Variants in VGLL4 observed in about 807,000 individuals in gnomAD.
The protein encoded by VGLL4 is vestigial like family member 4.
VGLL4 carries 7 observed loss-of-function variants against 21.0 expected under a neutral mutation model. The observed-to-expected ratio is 0.33, with a 90% CI of 0.19 to 0.63. VGLL4 has a LOEUF of 0.63. Among genes scored for constraint, VGLL4 ranks in the 20% least tolerant of loss-of-function variants. VGLL4 has a pLI of 0.78. For missense variants in VGLL4, 394 were observed against 425.7 expected (o/e 0.93, Z 0.66); for synonymous variants, 222 against 173.2 (o/e 1.28, Z -2.21).
intron 2 of VGLL4, among the ~76,000 whole-genome samples, chr3:11,668,183 C>T (rs1402721363): frequency 6.6e-6 from 1 of 151,908 alleles, no homozygotes; most frequent in Non-Finnish European, 1.5e-5. Context: ...CCACAGGAAA[C>T]AACTCATTTC....
intron 2 of VGLL4, among the ~76,000 whole-genome samples, chr3:11,588,102 G>T (rs2074401900): frequency 6.6e-6 from 1 of 152,240 alleles, no homozygotes. Flanking sequence ...GGGCTTAAAA[G>T]TGATTCTTAA....
Position 11,564,909 on chromosome 3 carries a change from G to T in VGLL4, c.383C>A (p.Thr128Asn). 1.2e-6 allele frequency: 2 copies of T among 1,602,568 alleles called. No homozygotes were observed. The highest frequency in any genetic ancestry group is 1.7e-6 in the Non-Finnish European group (2 of 1,175,040). Residue 128 changes from threonine (T) to asparagine (N), a missense_variant, in exon 3 of 5, where the codon ACC (threonine) becomes AAC (asparagine). By Grantham distance (65) the Thr-to-Asn change is moderately conservative. Coordinates refer to ENST00000430365, the MANE Select transcript of VGLL4 (RefSeq NM_001128219.3). ...CTCCAGGCCAAGGCTGGGGAGGGAG[G>T]TGTACAGGTGGCTGCCGTGCAGGCT... The part of the protein sequence containing the change: ...TMSLHGSHLY[T>N]SLPSLGLEQP...
intron 1 of VGLL4, among the ~76,000 whole-genome samples, chr3:11,617,174 G>T (rs1290723294): frequency 6.6e-6 from 1 of 152,116 alleles, no homozygotes; most frequent in Admixed American, 6.5e-5. Context: ...TGAAAAACAG[G>T]CAGGATTTGG....
chr3:11,714,804 G>A (rs1019586954), intron 1 of VGLL4, among the ~76,000 whole-genome samples: 9 of 152,018 alleles, frequency 5.9e-5, no homozygotes, highest in African/African-American at 2.2e-4. Context: ...GTGCTAAAGC[G>A]ACACATATTC....
At chr3:11,573,236 AAAGAAATAG>A (rs1177842740) in intron 2 of VGLL4, among the ~76,000 whole-genome samples, 1 of 110,128 alleles carries the variant, frequency 9.1e-6, no homozygotes, top group African/African-American at 4.9e-5. Context: ...GACAGAAAGA[AAAGAAATAG>A]AGAAAGAAAG....
At chr3:11,597,462 G>A (rs1014240300) in intron 2 of VGLL4, among the ~76,000 whole-genome samples, 1 of 152,108 alleles carries the variant, frequency 6.6e-6, no homozygotes, top group Non-Finnish European at 1.5e-5. Flanking sequence ...ATGGATAAAT[G>A]CAGAAATTGA....
chr3:11,659,732 C>T (rs548606151), intron 2 of VGLL4, among the ~76,000 whole-genome samples: 3 of 152,274 alleles, frequency 2.0e-5, no homozygotes, highest in South Asian at 2.1e-4. Flanking sequence ...TTGAGGAATG[C>T]GGCATTCTAA....
intron 2 of VGLL4, among the ~76,000 whole-genome samples, chr3:11,662,826 T>A (rs956869473): frequency 6.6e-6 from 1 of 152,242 alleles, no homozygotes; most frequent in Non-Finnish European, 1.5e-5. Flanking sequence ...ATTTTGTGAC[T>A]GTGACATGAA....
rs568635223 is a variant in VGLL4 at position 11,579,831 on chromosome 3, C to T, written c.273-14812G>A. ...AAATTACCACCCCCGGTGGTCATCA[C>T]GCATCACATCTGTCGATTATTAGGC... On this transcript the variant is annotated intron_variant, in intron 2 of 4. Transcript: ENST00000430365. Among the ~76,000 whole-genome samples, 3 of 152,184 alleles carry T rather than the reference C, an allele frequency of 2.0e-5. 1 individual carries two copies. The highest frequency in any genetic ancestry group is 4.8e-5 in the African/African-American group (2 of 41,514).
upstream of VGLL4, among the ~76,000 whole-genome samples, chr3:11,644,444 C>T (rs1379628437): frequency 6.6e-6 from 1 of 152,150 alleles, no homozygotes; most frequent in Admixed American, 6.5e-5. Flanking sequence ...GAGGGTATCA[C>T]CCTTTCACAG....
intron 2 of VGLL4, among the ~76,000 whole-genome samples, chr3:11,575,469 T>C (rs576226216): frequency 6.6e-6 from 1 of 152,158 alleles, no homozygotes; most frequent in African/African-American, 2.4e-5. Flanking sequence ...CTCTCTCTCC[T>C]TGAGACTGGA....
At chr3:11,663,986 T>C (rs1456817117) in intron 2 of VGLL4, among the ~76,000 whole-genome samples, 2 of 152,148 alleles carry the variant, frequency 1.3e-5, no homozygotes, top group Non-Finnish European at 2.9e-5. Flanking sequence ...GCGCAGTGGC[T>C]CACAGCTGTA....
rs530244066 is a variant in VGLL4 at position 11,660,117 on chromosome 3, G to A, written c.64+42854C>T. ...GCGGAGCTTGCAGTGAGTGGAGATC[G>A]CGCCACTGCACTCCAGCCTGGGCGA... is the stretch of plus-strand genomic sequence containing the variant. On this transcript the variant is annotated intron_variant, in intron 2 of 5. Coordinates refer to the VGLL4 transcript ENST00000273038. 5.1e-3 allele frequency among the ~76,000 whole-genome samples: 763 copies of A among 150,514 alleles called. 7 individuals are homozygous for A. The highest frequency in any genetic ancestry group is 0.017 in the African/African-American group (716 of 40,922).
chr3:11,611,599 C>T (rs938488824), intron 1 of VGLL4: 3 of 152,206 alleles, frequency 2.0e-5, no homozygotes, highest in Non-Finnish European at 4.4e-5. Context: ...CAAAGATGAA[C>T]AGCTGCAACT....
chr3:11,627,803 A>G (rs2125310477), intron 1 of VGLL4, among the ~76,000 whole-genome samples: 1 of 152,334 alleles, frequency 6.6e-6, no homozygotes, highest in African/African-American at 2.4e-5. Context: ...CTATAAACTC[A>G]ACAGAAATTC....
chr3:11,649,697 A>C (rs1005214667), intron 2 of VGLL4, among the ~76,000 whole-genome samples: 2 of 152,154 alleles, frequency 1.3e-5, no homozygotes, highest in Non-Finnish European at 2.9e-5. Flanking sequence ...TATCTGTCTC[A>C]AAGAGCAAAA....
intron 2 of VGLL4, among the ~76,000 whole-genome samples, chr3:11,597,084 G>A (rs145961850): frequency 2.8e-4 from 42 of 152,236 alleles, no homozygotes; most frequent in Middle Eastern, 3.4e-3. Flanking sequence ...AGGACCAGTG[G>A]ACAGGGTTCT....
intron 2 of VGLL4, among the ~76,000 whole-genome samples, chr3:11,676,413 AAATAATAAT>A (rs1166202347): frequency 8.5e-5 from 4 of 46,914 alleles, no homozygotes; most frequent in South Asian, 9.8e-4. Context: ...AAAAAAAATA[AAATAATAAT>A]AATAATAATA....
At chr3:11,616,701 G>A (rs2075169634) in intron 1 of VGLL4, among the ~76,000 whole-genome samples, 1 of 152,052 alleles carries the variant, frequency 6.6e-6, no homozygotes, top group South Asian at 2.1e-4. Flanking sequence ...AGGACTGGCA[G>A]AAAAAAAATC....
Sources: allele counts gnomAD v4.1 joint callset (sites outside exome capture counted in the v4.1 genomes callset), GRCh38; gene constraint gnomAD v4.1.1; transcripts MANE v1.5; gene names NCBI Gene and HGNC (gene_info 2026-07-23, HGNC 2026-07-21).